Variants in WNT3A observed in about 807,000 individuals in gnomAD.
WNT3A encodes Wnt family member 3A.
In WNT3A, 17 loss-of-function variants were observed where a neutral mutation model predicts 37.0. The observed-to-expected ratio is 0.46, with a 90% confidence interval of 0.31 to 0.69. The LOEUF is 0.69. Among genes scored for constraint, WNT3A ranks in the 30% least tolerant of loss-of-function variants. The pLI, the probability that WNT3A is intolerant of heterozygous loss-of-function variation, is 0.05. For synonymous variants in WNT3A, 187 were observed against 211.0 expected, an observed-to-expected ratio of 0.89 and a Z score of 0.99; for missense variants, 411 against 510.2, an observed-to-expected ratio of 0.81 and a Z score of 1.87.
intron 2 of WNT3A, among the ~76,000 whole-genome samples, chr1:228,040,734 A>C (rs891912604): frequency 2.6e-5 from 4 of 151,794 alleles, no homozygotes; most frequent in Non-Finnish European, 5.9e-5. Context: ...ATACAAAAAA[A>C]AATTACCTGG....
rs576531787 is a variant in WNT3A, at chr1:228,029,752, A to G, written c.313+6844A>G. Among the ~76,000 whole-genome samples the G allele has an allele frequency of 8.9e-4, 110 of 123,988 alleles. No individual in the cohort carries two copies. In the East Asian group the frequency reaches 0.03, roughly 34 times the overall value. The allele number at this position is 123,988 out of a possible 152,430, so 81.3% of individuals were successfully genotyped here. On this transcript the variant is annotated intron_variant, in intron 2 of 3. Coordinates refer to ENST00000284523, the MANE Select transcript of WNT3A (RefSeq NM_033131.4). ...AATGCTTGTGCCCACCCCCCCCCCA[A>G]TTCCTACATTGAAATCCTCACCCAC...
At chr1:228,049,269 T>A (rs1363410184) in intron 2 of WNT3A, among the ~76,000 whole-genome samples, 1 of 152,202 alleles carries the variant, frequency 6.6e-6, no homozygotes, top group Admixed American at 6.5e-5. Flanking sequence ...GGAGCCACAC[T>A]CTGGGGTCTG....
intron 3 of WNT3A, among the ~76,000 whole-genome samples, 188 bp downstream of exon 3, chr1:228,051,109 TG>T: frequency 6.6e-6 from 1 of 152,120 alleles, no homozygotes; most frequent in East Asian, 1.9e-4. Flanking sequence ...AGTGCGCTCC[TG>T]GGGATGGCGA....
intron 2 of WNT3A, among the ~76,000 whole-genome samples, chr1:228,027,015 G>GT (rs1436248477): frequency 1.3e-5 from 2 of 152,052 alleles, no homozygotes; most frequent in African/African-American, 4.8e-5. Flanking sequence ...ACTAATTTTT[G>GT]TTTTTTCAGT....
Position 228,013,276 on chromosome 1 carries a change from T to C in WNT3A, c.71+6077T>C, listed in dbSNP as rs555552068. Among the ~76,000 whole-genome samples the C allele has an allele frequency of 1.8e-4, 28 of 152,278 alleles. 2 individuals carry two copies. The South Asian group carries it at 5.8e-3, about 32-fold the overall frequency. On this transcript the variant is annotated intron_variant, in intron 1 of 3. Coordinates refer to ENST00000284523, the MANE Select transcript of WNT3A (RefSeq NM_033131.4). ...GTGGCCCAGGCTGTGCACTTTAATG[T>C]TGGACAATCCCCCACCCCACCCCTC...
At chr1:228,053,730 C>T (rs1033300818) in intron 3 of WNT3A, among the ~76,000 whole-genome samples, 2 of 152,090 alleles carry the variant, frequency 1.3e-5, no homozygotes, top group South Asian at 4.1e-4. Flanking sequence ...ACAAAAGGTG[C>T]TCAATGTTAT....
rs1003095303 is a variant in WNT3A, at chr1:228,015,792, A to G, written c.72-6875A>G. 3.4e-5 allele frequency among the ~76,000 whole-genome samples: 5 copies of G among 148,966 alleles called. No homozygotes were observed. In the Admixed American group the frequency reaches 3.4e-4, roughly 10 times the overall value. On this transcript the variant is annotated intron_variant, in intron 1 of 3. Coordinates refer to ENST00000284523, the MANE Select transcript of WNT3A (RefSeq NM_033131.4). The stretch of plus-strand genomic sequence containing the variant: ...AAGGACCCTTCGTCCTTGACCAGAC[A>G]CTTGTTTGCATGCCTACAAAGCGTG...
chr1:228,039,142 G>A lies in WNT3A; in HGVS notation c.314-11514G>A, dbSNP rs150008507. On this transcript the variant is annotated intron_variant, in intron 2 of 3. Transcript: ENST00000284523. The surrounding 1 kb of genome is among the most constrained non-coding windows in gnomAD (Gnocchi z 4.1). ...GCCAGGGGAAAGAGACGAAGCCACA[G>A]GTTTCCAGGGGCTGGGGACAGCATT... 7.5e-3 allele frequency among the ~76,000 whole-genome samples: 1,138 copies of A among 152,272 alleles called. 17 individuals are homozygous for A. The highest frequency in any genetic ancestry group is 0.026 in the African/African-American group (1,069 of 41,544).
chr1:228,040,971 T>TTATATATA (rs4065965), intron 2 of WNT3A, among the ~76,000 whole-genome samples: 316 of 138,128 alleles, frequency 2.3e-3, no homozygotes, highest in African/African-American at 6.0e-3. Context: ...GGTAGATATT[T>TTATATATA]TATATATATA....
intron 2 of WNT3A, among the ~76,000 whole-genome samples, chr1:228,035,141 G>A (rs1444164306): frequency 6.6e-6 from 1 of 152,170 alleles, no homozygotes; most frequent in Non-Finnish European, 1.5e-5. Flanking sequence ...CTTCCCAGGG[G>A]AGGTGGCCCC....
intron 1 of WNT3A, among the ~76,000 whole-genome samples, chr1:228,013,210 G>A (rs2030425921): frequency 6.6e-6 from 1 of 152,020 alleles, no homozygotes; most frequent in Non-Finnish European, 1.5e-5. Context: ...ACTACGCTTG[G>A]CTAGTATTTT....
chr1:228,020,785 G>A (rs116071168), intron 1 of WNT3A, among the ~76,000 whole-genome samples: 2,564 of 152,264 alleles, frequency 0.017, 88 homozygotes, highest in African/African-American at 0.059. Flanking sequence ...GCCTGGGGAT[G>A]CACGTGGGGT....
Position 228,050,907 on chromosome 1 carries a change from G to T in WNT3A, c.565G>T (p.Glu189Ter). Reference protein sequence around the residue: ...ARSAMNRHNNEAGRQAIASHM... With the variant: ...ARSAMNRHNN ...CTCAGCCATGAACCGCCACAACAACGAGGCTGGGCGCCAGGTAGGTTCGCC... is the reference window on the plus strand; with the variant it reads ...CTCAGCCATGAACCGCCACAACAACTAGGCTGGGCGCCAGGTAGGTTCGCC... Residue 189 changes from glutamate (E) to a stop codon, truncating the protein, a stop_gained, in exon 3 of 4, where the codon GAG becomes TAG. Transcript: ENST00000284523. LOFTEE classifies it high-confidence loss of function. The surrounding 1 kb of genome is among the most constrained non-coding windows in gnomAD (Gnocchi z 5.0). 1 of 1,541,960 alleles carries T rather than the reference G, an allele frequency of 6.5e-7. No individual in the cohort carries two copies. Among genetic ancestry groups the T allele is most frequent in the Non-Finnish European group, 8.7e-7 (1 of 1,142,976 alleles).
Position 228,059,714 on chromosome 1 carries a change from C to T in WNT3A, c.*249C>T. 7.5e-7 allele frequency: 1 copy of T among 1,325,278 alleles called. No individual in the cohort carries two copies. The highest frequency in any genetic ancestry group is 9.6e-7 in the Non-Finnish European group (1 of 1,043,642). The allele number at this position is 1,325,278 out of a possible 1,614,324, so 82.1% of individuals were successfully genotyped here. A position where few individuals can be genotyped will look rare whatever the true frequency, so the allele number is the denominator to read the frequency against. On this transcript the variant is annotated 3_prime_UTR_variant, in exon 4 of 4. Coordinates refer to ENST00000284523, the MANE Select transcript of WNT3A (RefSeq NM_033131.4). ...GGCGGAGCTCCAGGATGGGGAGGGG[C>T]TCTGCGTTGGCTTCTCCCTGGGGAC... is the stretch of plus-strand genomic sequence containing the variant.
rs549254831 is a variant in WNT3A at position 228,048,230 on chromosome 1, C to G, written c.314-2426C>G. Among the ~76,000 whole-genome samples the G allele has an allele frequency of 2.0e-5, 3 of 152,216 alleles. No individual in the cohort carries two copies. In the South Asian group the frequency reaches 6.2e-4, roughly 31 times the overall value. On this transcript the variant is annotated intron_variant, in intron 2 of 3. Coordinates refer to ENST00000284523, the MANE Select transcript of WNT3A (RefSeq NM_033131.4). Reference sequence around the variant, plus strand: ...CATAGAGAGGGCCCATCGGAGCTCCCTTCTCCCTCCTGCTCTCCCAGGGCC... The same window carrying G: ...CATAGAGAGGGCCCATCGGAGCTCCGTTCTCCCTCCTGCTCTCCCAGGGCC...
chr1:228,052,226 C>A (rs1558295151), intron 3 of WNT3A, among the ~76,000 whole-genome samples: 2 of 152,232 alleles, frequency 1.3e-5, no homozygotes, highest in Non-Finnish European at 2.9e-5. Flanking sequence ...TCACTGCAGC[C>A]TCCACGTCCC....
At position 228,060,098 on chromosome 1, in the gene WNT3A, G is replaced by T. The variant is rs1414561513; in HGVS notation, c.*633G>T. 6 of 1,267,688 alleles carry T rather than the reference G, an allele frequency of 4.7e-6. No individual in the cohort carries two copies. The South Asian group carries it at 8.0e-5, about 17-fold the overall frequency. The allele number at this position is 1,267,688 out of a possible 1,614,324, so 78.5% of individuals were successfully genotyped here. On this transcript the variant is annotated 3_prime_UTR_variant, in exon 4 of 4. Coordinates refer to ENST00000284523, the MANE Select transcript of WNT3A (RefSeq NM_033131.4). ...TGGCCTGCATAGGCTCCTTCCTGTGGGTGGGGCTTCTCTGGGACCAGGCTC... is the reference window on the plus strand; with the variant it reads ...TGGCCTGCATAGGCTCCTTCCTGTGTGTGGGGCTTCTCTGGGACCAGGCTC...
At chr1:228,018,736 C>T (rs1244449067) in intron 1 of WNT3A, among the ~76,000 whole-genome samples, 1 of 152,188 alleles carries the variant, frequency 6.6e-6, no homozygotes, top group African/African-American at 2.4e-5. Flanking sequence ...TCCTTCAAGG[C>T]CCAGCCAAAA....
intron 2 of WNT3A, among the ~76,000 whole-genome samples, chr1:228,047,797 TA>T (rs374457819): frequency 2.6e-5 from 4 of 151,942 alleles, no homozygotes; most frequent in African/African-American, 9.7e-5. Context: ...AGGAGCGGGA[TA>T]AAGAGTGGGG....
Sources: gnomAD v4.1 joint callset for allele counts (sites outside exome capture counted in the v4.1 genomes callset) on GRCh38, gnomAD v4.1.1 for gene constraint, Gnocchi (gnomAD v3.1) non-coding constraint, MANE v1.5 for transcripts, NCBI Gene and HGNC (gene_info 2026-07-23, HGNC 2026-07-21) for gene names.